Variants in ZNF385B observed in about 807,000 individuals in gnomAD.
The protein encoded by ZNF385B is zinc finger protein 533.
ZNF385B carries 23 observed loss-of-function variants against 39.2 expected under a neutral mutation model. The observed-to-expected ratio is 0.59, with a 90% CI of 0.42 to 0.83. The LOEUF (loss-of-function observed/expected upper bound fraction) is 0.83, where lower values mean the gene tolerates loss of function less well. Ranked by LOEUF, ZNF385B falls within the 40% of genes least tolerant of loss-of-function variation. ZNF385B has a pLI of 0.00. For synonymous variants in ZNF385B, 205 were observed against 222.6 expected, an observed-to-expected ratio of 0.92 and a Z score of 0.70; for missense variants, 552 against 598.9, an observed-to-expected ratio of 0.92 and a Z score of 0.82.
intron 4 of ZNF385B, among the ~76,000 whole-genome samples, chr2:179,540,786 CTGCTATAATTAA>C (rs67455311): frequency 0.22 from 33,641 of 151,976 alleles, 4,020 homozygotes; most frequent in African/African-American, 0.3. Context: ...GGTGTGACAA[CTGCTATAATTAA>C]TGTAATCTGG....
At chr2:179,603,367 G>C (rs769317541) in intron 3 of ZNF385B, among the ~76,000 whole-genome samples, 3 of 152,176 alleles carry the variant, frequency 2.0e-5, no homozygotes, top group Non-Finnish European at 4.4e-5. Flanking sequence ...GATCTTCCAA[G>C]GCAGCCCAGA....
chr2:179,816,584 C>T (rs1176146654), intron 1 of ZNF385B, among the ~76,000 whole-genome samples: 2 of 152,194 alleles, frequency 1.3e-5, no homozygotes, highest in African/African-American at 2.4e-5. Context: ...GGAGGATCTT[C>T]TGCCTAGGTT....
chr2:179,830,745 G>A (rs11894567), intron 1 of ZNF385B, among the ~76,000 whole-genome samples: 1,922 of 152,216 alleles, frequency 0.013, 36 homozygotes, highest in African/African-American at 0.043. Flanking sequence ...GGGAATTTTG[G>A]GGCAGTGAAA....
At chr2:179,584,056 G>T in intron 3 of ZNF385B, 1 of 722,594 alleles carries the variant, frequency 1.4e-6, no homozygotes, top group Non-Finnish European at 2.2e-6. Context: ...TTTTCCAAAA[G>T]CTTATAGTCT....
chr2:179,533,678 A>G (rs1436216121), intron 4 of ZNF385B, among the ~76,000 whole-genome samples: 1 of 152,168 alleles, frequency 6.6e-6, no homozygotes, highest in East Asian at 1.9e-4. Flanking sequence ...TTTTTGGAAT[A>G]AATTTCTATT....
chr2:179,493,801 GTATATATACATATATA>G (rs1488268925), intron 5 of ZNF385B, among the ~76,000 whole-genome samples: 6 of 139,716 alleles, frequency 4.3e-5, no homozygotes, highest in African/African-American at 1.3e-4. Context: ...ATACATATAT[GTATATATACATATATA>G]TATAGCAGAG....
rs1029842305 is a variant in ZNF385B, at chr2:179,845,484, C to A, written c.-155+15617G>T. On this transcript the variant is annotated intron_variant, in intron 1 of 9. Coordinates refer to ENST00000410066, the MANE Select transcript of ZNF385B (RefSeq NM_152520.6). The stretch of plus-strand genomic sequence containing the variant: ...GTCATTCTACTTGTAAATCTGAGAG[C>A]AAGTGCCACCAAAATTGACAGGGAC... Among the ~76,000 whole-genome samples the A allele has an allele frequency of 4.6e-5, 7 of 152,130 alleles. No individual in the cohort carries two copies. The East Asian group carries it at 1.3e-3, about 29-fold the overall frequency.
At chr2:179,846,530 TTTTTG>T (rs1708809067) in intron 1 of ZNF385B, among the ~76,000 whole-genome samples, 1 of 152,166 alleles carries the variant, frequency 6.6e-6, no homozygotes, top group African/African-American at 2.4e-5. Flanking sequence ...AAGACAACTC[TTTTTG>T]TTTTATTTCA....
In ZNF385B at chr2:179,770,062, T is replaced by A. The variant is rs544604146; in HGVS notation, c.-2-260A>T. On this transcript the variant is annotated intron_variant, in intron 2 of 9. Transcript: ENST00000410066. ...TACCCCATCCTTGCCCCTCTTCCCA[T>A]CACCTCCCACCCTCTTTACTCTCTT... Among the ~76,000 whole-genome samples, 6 of 152,178 alleles carry A rather than the reference T, an allele frequency of 3.9e-5. No individual in the cohort carries two copies. In the South Asian group the frequency reaches 1.2e-3, roughly 32 times the overall value.
At chr2:179,628,429 T>C (rs77475073) in intron 3 of ZNF385B, among the ~76,000 whole-genome samples, 16,204 of 152,282 alleles carry the variant, frequency 0.11, 1,008 homozygotes, top group Non-Finnish European at 0.14. Flanking sequence ...TGCTGATTGG[T>C]TTCCATGGTG....
intron 1 of ZNF385B, among the ~76,000 whole-genome samples, chr2:179,854,876 T>G (rs1008917742): frequency 6.6e-6 from 1 of 152,222 alleles, no homozygotes; most frequent in African/African-American, 2.4e-5. Context: ...ATTAGGCTGT[T>G]AGTGAAGATT....
intron 1 of ZNF385B, among the ~76,000 whole-genome samples, chr2:179,830,289 G>T (rs975329978): frequency 2.6e-5 from 4 of 152,200 alleles, no homozygotes; most frequent in Admixed American, 2.6e-4. Context: ...GATGCAAAAT[G>T]GTTCAGGCAC....
intron 3 of ZNF385B, among the ~76,000 whole-genome samples, chr2:179,645,298 T>C (rs2176059): frequency 1 from 151,754 of 152,324 alleles, 75,598 homozygotes; most frequent in East Asian, 1. Context: ...TTGAGAAATG[T>C]TAAGCCTTCC....
At chr2:179,735,334 A>G in intron 3 of ZNF385B, among the ~76,000 whole-genome samples, 2 of 148,154 alleles carry the variant, frequency 1.3e-5, no homozygotes, top group Non-Finnish European at 3.0e-5. Context: ...ACTATGAGAT[A>G]CCATCTCACA....
At chr2:179,637,304 A>G (rs1691851597) in intron 3 of ZNF385B, 1 of 152,186 alleles carries the variant, frequency 6.6e-6, no homozygotes, top group Non-Finnish European at 1.5e-5. Context: ...CTGCCCTAGG[A>G]CCAGCAGCAG....
intron 3 of ZNF385B, among the ~76,000 whole-genome samples, chr2:179,557,211 T>A (rs528950246): frequency 1.3e-5 from 2 of 149,482 alleles, no homozygotes; most frequent in East Asian, 3.9e-4. Context: ...GTCTGTACAA[T>A]CAAAGATGTA....
At chr2:179,809,676 T>C (rs574062864) in intron 1 of ZNF385B, among the ~76,000 whole-genome samples, 5 of 152,104 alleles carry the variant, frequency 3.3e-5, no homozygotes, top group African/African-American at 1.2e-4. Flanking sequence ...ACAGAAATTT[T>C]GAAAAACCTA....
intron 3 of ZNF385B, among the ~76,000 whole-genome samples, chr2:179,639,914 T>G (rs1692112915): frequency 6.6e-6 from 1 of 152,194 alleles, no homozygotes; most frequent in Non-Finnish European, 1.5e-5. Context: ...TGAAACACAT[T>G]GACATCTTAC....
At chr2:179,608,119 G>A (rs1688979508) in intron 3 of ZNF385B, among the ~76,000 whole-genome samples, 1 of 151,904 alleles carries the variant, frequency 6.6e-6, no homozygotes, top group Admixed American at 6.6e-5. Context: ...TCACCACATT[G>A]GCCAGGCTGG....
Sources: allele counts gnomAD v4.1 joint callset (sites outside exome capture counted in the v4.1 genomes callset), GRCh38; gene constraint gnomAD v4.1.1; transcripts MANE v1.5; gene names NCBI Gene and HGNC (gene_info 2026-07-23, HGNC 2026-07-21).